Variants in KAT6A observed in about 807,000 individuals in gnomAD.
KAT6A encodes the protein lysine acetyltransferase 6A, also known as histone acetyltransferase KAT6A.
In KAT6A, 9 loss-of-function variants were observed where a neutral mutation model predicts 198.4. The observed-to-expected ratio is 0.05, with a 90% confidence interval of 0.03 to 0.08. KAT6A has a LOEUF of 0.08. KAT6A is among the 10% of genes least tolerant of loss of function. KAT6A has a pLI of 1.00. For missense variants in KAT6A, 2,077 were observed against 2,509.9 expected, an observed-to-expected ratio of 0.83 and a Z score of 3.69; for synonymous variants, 890 against 883.0, an observed-to-expected ratio of 1.01 and a Z score of -0.14.
chr8:42,022,380 TA>T (rs11306564), intron 2 of KAT6A, among the ~76,000 whole-genome samples: 104,401 of 150,888 alleles, frequency 0.69, 36,690 homozygotes, highest in African/African-American at 0.84. Context: ...AGTAACAGTT[TA>T]AAAAAAAAAA....
intron 4 of KAT6A, 84 bp downstream of exon 4, chr8:41,981,755 T>C: frequency 1.2e-6 from 1 of 812,158 alleles, no homozygotes; most frequent in Non-Finnish European, 2.1e-6. Context: ...GTCTGAAAAA[T>C]AACCAGTCAT....
chr8:42,037,281 GA>G, intron 2 of KAT6A, among the ~76,000 whole-genome samples: 1 of 152,180 alleles, frequency 6.6e-6, no homozygotes, highest in East Asian at 1.9e-4. Context: ...GAGTGGCATG[GA>G]AAAAAGTAAG....
At chr8:41,996,117 C>T (rs1825189732) in intron 2 of KAT6A, among the ~76,000 whole-genome samples, 1 of 152,178 alleles carries the variant, frequency 6.6e-6, no homozygotes, top group South Asian at 2.1e-4. Context: ...AAAGAACAGT[C>T]AAGAACCTGT....
intron 2 of KAT6A, among the ~76,000 whole-genome samples, chr8:42,039,607 T>A (rs1827542123): frequency 6.6e-6 from 1 of 152,184 alleles, no homozygotes; most frequent in Non-Finnish European, 1.5e-5. Context: ...GGCCCACAAG[T>A]CCAGGATGAA....
intron 2 of KAT6A, among the ~76,000 whole-genome samples, chr8:42,033,259 G>A (rs1827216160): frequency 6.6e-6 from 1 of 152,020 alleles, no homozygotes; most frequent in Non-Finnish European, 1.5e-5. Flanking sequence ...ATAATTTTCA[G>A]ACAAAACAAA....
At chr8:41,946,708 G>A in intron 11 of KAT6A, 24 bp from the exon 12 acceptor site, 1 of 1,354,376 alleles carries the variant, frequency 7.4e-7, no homozygotes, top group Non-Finnish European at 1.1e-6. Context: ...CACAAGTCAA[G>A]TTTGAAAACA....
chr8:42,032,943 C>T (rs1387520262), intron 2 of KAT6A, among the ~76,000 whole-genome samples: 1 of 126,716 alleles, frequency 7.9e-6, no homozygotes. Flanking sequence ...CAGTGGTGGT[C>T]ATCTCAGCTC....
chr8:41,981,765 T>C (rs1013802164), intron 4 of KAT6A, 74 bp downstream of exon 4: 3 of 884,046 alleles, frequency 3.4e-6, no homozygotes, highest in Middle Eastern at 2.1e-4. Context: ...TAACCAGTCA[T>C]ACTTAGATGA....
At chr8:42,038,422 G>A (rs1209156049) in intron 2 of KAT6A, among the ~76,000 whole-genome samples, 1 of 152,104 alleles carries the variant, frequency 6.6e-6, no homozygotes, top group Non-Finnish European at 1.5e-5. Context: ...TGTGGTTTAC[G>A]ATACCACCAA....
At chr8:42,043,511 C>G (rs929495773) in intron 2 of KAT6A, 1 of 151,892 alleles carries the variant, frequency 6.6e-6, no homozygotes, top group Non-Finnish European at 1.5e-5. Flanking sequence ...TTTAATGGAC[C>G]TCAGATATAC....
In KAT6A at chr8:41,933,137, G is replaced by C. The variant is rs780988937; in HGVS notation, c.5083C>G (p.Pro1695Ala). 6 of 1,607,020 alleles carry C rather than the reference G, an allele frequency of 3.7e-6. No individual in the cohort carries two copies. Among genetic ancestry groups the C allele is most frequent in the Non-Finnish European group, 5.1e-6 (6 of 1,177,578 alleles). ...PQPQQPPPPP[P>A]PQQQPPLSQC... ...GACAGCGGGGGCTGCTGCTGGGGAG[G>C]GGGTGGGGGTGGAGGCTGCTGGGGC... Residue 1695 changes from proline to alanine, a missense_variant, in exon 17 of 17, where the codon CCT (proline) becomes GCT (alanine). This residue lies in a region of KAT6A where 500 missense variants were observed against 577.2 expected (regional missense o/e 0.87). Coordinates refer to ENST00000265713, the MANE Select transcript of KAT6A (RefSeq NM_006766.5). The surrounding 1 kb of genome is among the most constrained non-coding windows in gnomAD (Gnocchi z 6.2).
chr8:42,041,159 C>A (rs541130477), intron 2 of KAT6A, among the ~76,000 whole-genome samples: 6 of 141,542 alleles, frequency 4.2e-5, no homozygotes, highest in South Asian at 2.3e-4. Context: ...TGCGCCACTG[C>A]ACTCCAGTCT....
intron 2 of KAT6A, among the ~76,000 whole-genome samples, chr8:42,009,074 C>A (rs1174233788): frequency 6.6e-6 from 1 of 152,172 alleles, no homozygotes; most frequent in Admixed American, 6.5e-5. Flanking sequence ...TCATCATTCA[C>A]CTTTTAATAT....
intron 3 of KAT6A, among the ~76,000 whole-genome samples, chr8:41,982,525 T>C (rs1263368613): frequency 2.6e-5 from 4 of 152,156 alleles, no homozygotes; most frequent in African/African-American, 9.7e-5. Flanking sequence ...TCTACTGCAG[T>C]GTGAAAATAT....
At chr8:42,018,191 G>C (rs766476631) in intron 2 of KAT6A, among the ~76,000 whole-genome samples, 3 of 152,128 alleles carry the variant, frequency 2.0e-5, no homozygotes, top group African/African-American at 4.8e-5. Context: ...TTTAACTACA[G>C]AGCTACAAAA....
chr8:42,005,671 T>C (rs1825703760), intron 2 of KAT6A, among the ~76,000 whole-genome samples: 2 of 152,112 alleles, frequency 1.3e-5, no homozygotes, highest in African/African-American at 4.8e-5. Context: ...AAAACTGTTT[T>C]ACAGGCTGCC....
chr8:41,964,285 AAATT>A (rs894239614), intron 8 of KAT6A, among the ~76,000 whole-genome samples: 11 of 152,216 alleles, frequency 7.2e-5, no homozygotes, highest in African/African-American at 2.2e-4. Flanking sequence ...TAAATGAAAC[AAATT>A]AATATATAAT....
chr8:42,032,870 G>GC lies in KAT6A; in HGVS notation c.600+15507dup, dbSNP rs1329590231. On this transcript the variant is annotated intron_variant, in intron 2 of 16. Coordinates refer to ENST00000265713, the MANE Select transcript of KAT6A (RefSeq NM_006766.5). Reference sequence around the variant, plus strand: ...GGTCTAATGCTTATTTAAAACCTTGGCTTTTTTTTTTTTTTTTTTTTTTTT... The same window carrying GC: ...GGTCTAATGCTTATTTAAAACCTTGGCCTTTTTTTTTTTTTTTTTTTTTTTT... 8.3e-5 allele frequency among the ~76,000 whole-genome samples: 11 copies of GC among 132,632 alleles called. No individual in the cohort carries two copies. The South Asian group carries it at 2.1e-3, about 26-fold the overall frequency. The allele number at this position is 132,632 out of a possible 152,430, so 87.0% of individuals were successfully genotyped here.
At chr8:41,994,420 T>A (rs1052584185) in intron 2 of KAT6A, among the ~76,000 whole-genome samples, 1 of 152,080 alleles carries the variant, frequency 6.6e-6, no homozygotes, top group Admixed American at 6.6e-5. Flanking sequence ...TACACTCCAC[T>A]CCAGCTTCCT....
Sources: allele counts gnomAD v4.1 joint callset (sites outside exome capture counted in the v4.1 genomes callset), GRCh38; gene constraint gnomAD v4.1.1; regional missense constraint gnomAD v4.1.1; non-coding constraint Gnocchi (gnomAD v3.1); transcripts MANE v1.5; gene names NCBI Gene and HGNC (gene_info 2026-07-23, HGNC 2026-07-21).